Variants in DYNC2H1 observed in about 807,000 individuals in gnomAD.
DYNC2H1 encodes the protein dynein cytoplasmic 2 heavy chain 1.
A neutral mutation model predicts 570.0 loss-of-function variants in DYNC2H1; 410 were observed. That is an observed-to-expected ratio of 0.72 (90% CI 0.66 to 0.78). The LOEUF is 0.78. Among genes scored for constraint, DYNC2H1 ranks in the 30% least tolerant of loss-of-function variants. The pLI is 0.00. For synonymous variants in DYNC2H1, 1,688 were observed against 1,677.6 expected, an observed-to-expected ratio of 1.01 and a Z score of -0.15; for missense variants, 4,865 against 5,046.4, an observed-to-expected ratio of 0.96 and a Z score of 1.09.
intron 12 of DYNC2H1, 56 bp downstream of exon 12, chr11:103,125,351 A>T: frequency 8.7e-7 from 1 of 1,147,052 alleles, no homozygotes; most frequent in Non-Finnish European, 1.2e-6. Flanking sequence ...ACGTTAAACT[A>T]GAATATGCTA....
chr11:103,134,574 A>G (rs540720470), intron 15 of DYNC2H1, among the ~76,000 whole-genome samples, 155 bp downstream of exon 15: 3 of 152,280 alleles, frequency 2.0e-5, no homozygotes, highest in African/African-American at 7.2e-5. Context: ...AATTATATAT[A>G]AAGACCACAT....
chr11:103,194,907 G>A (rs542438431), intron 47 of DYNC2H1, among the ~76,000 whole-genome samples: 3 of 152,026 alleles, frequency 2.0e-5, no homozygotes, highest in South Asian at 2.1e-4. Context: ...TAGTAGAGAC[G>A]CGGTTTCATC....
At chr11:103,460,495 T>C (rs1591792474) in intron 87 of DYNC2H1, among the ~76,000 whole-genome samples, 1 of 106,752 alleles carries the variant, frequency 9.4e-6, no homozygotes, top group Admixed American at 1.2e-4. Context: ...GGGTGGGGGG[T>C]GGGCTGCACT....
chr11:103,227,930 T>C (rs1400566833), intron 59 of DYNC2H1, among the ~76,000 whole-genome samples: 1 of 152,230 alleles, frequency 6.6e-6, no homozygotes, highest in African/African-American at 2.4e-5. Context: ...TTTATCGTTA[T>C]ATAATGTCCC....
At position 103,282,190 on chromosome 11, in the gene DYNC2H1, G is replaced by A. The variant is rs12574626; in HGVS notation, c.10773G>A (p.Thr3591=). The A allele has an allele frequency of 0.13, 209,898 of 1,604,192 alleles. 16,323 individuals carry two copies. The highest frequency in any genetic ancestry group is 0.36 in the African/African-American group (26,974 of 74,208). ...PELFQENEWD[T]FTGVVVGDML... Reference sequence around the variant, plus strand: ...TTTTTATTCAATAGGAATGGGATACGTTTACAGGTGTGGTTGTTGGAGACA... The same window carrying A: ...TTTTTATTCAATAGGAATGGGATACATTTACAGGTGTGGTTGTTGGAGACA... Residue 3591 remains threonine (T), a synonymous_variant, in exon 72 of 89, where the codon ACG becomes ACA. Coordinates refer to ENST00000375735, the MANE Select transcript of DYNC2H1 (RefSeq NM_001377.3).
intron 85 of DYNC2H1, among the ~76,000 whole-genome samples, chr11:103,445,035 G>A (rs1183945288): frequency 6.6e-6 from 1 of 152,172 alleles, no homozygotes; most frequent in Non-Finnish European, 1.5e-5. Context: ...GACCAGTTAA[G>A]AGGTTATTGC....
In DYNC2H1 at chr11:103,231,252, T is replaced by G. The variant is rs1863996819; in HGVS notation, c.9354-8T>G. 6.4e-7 allele frequency: 1 copy of G among 1,563,748 alleles called. No individual in the cohort carries two copies. Among genetic ancestry groups the G allele is most frequent in the African/African-American group, 1.4e-5 (1 of 73,350 alleles). On this transcript the variant is annotated splice_region_variant and splice_polypyrimidine_tract_variant and intron_variant, in intron 59 of 88. Coordinates refer to ENST00000375735, the MANE Select transcript of DYNC2H1 (RefSeq NM_001377.3). ...GAATGACTTGTATAATATTGAGTTA[T>G]ATTTTAGGAATCTGAAGAAAACTGA...
rs546787436 is a variant in DYNC2H1 at position 103,150,972 on chromosome 11, G to A, written c.2947-1164G>A. On this transcript the variant is annotated intron_variant, in intron 20 of 88. Transcript: ENST00000375735. ...GACCTTAGAATCTCATATTCTGTGGGCACTGGGGAGCTGTTGCTGGATTTT... is the reference window on the plus strand; with the variant it reads ...GACCTTAGAATCTCATATTCTGTGGACACTGGGGAGCTGTTGCTGGATTTT... Among the ~76,000 whole-genome samples the A allele has an allele frequency of 9.2e-5, 14 of 152,156 alleles. No individual in the cohort carries two copies. The South Asian group carries it at 2.7e-3, about 29-fold the overall frequency.
intron 70 of DYNC2H1, among the ~76,000 whole-genome samples, chr11:103,260,278 C>T (rs1565440513): frequency 2.0e-5 from 3 of 152,194 alleles, no homozygotes; most frequent in Non-Finnish European, 4.4e-5. Context: ...GCTAGACTTT[C>T]TCATCCTCAG....
Position 103,244,009 on chromosome 11 carries a change from A to G in DYNC2H1, c.9918+218A>G, listed in dbSNP as rs567719385. On this transcript the variant is annotated intron_variant, in intron 64 of 88. Coordinates refer to ENST00000375735, the MANE Select transcript of DYNC2H1 (RefSeq NM_001377.3). The surrounding 1 kb of genome is among the most constrained non-coding windows in gnomAD (Gnocchi z 4.3). ...TATTGATCTAAGCCCTGGGAATTTA[A>G]TAGTGAGTTCCTTCCCTTATAAAGA... 4.6e-4 allele frequency among the ~76,000 whole-genome samples: 70 copies of G among 152,242 alleles called. No individual in the cohort carries two copies. Among genetic ancestry groups the G allele is most frequent in the Non-Finnish European group, 9.3e-4 (63 of 67,956 alleles).
intron 84 of DYNC2H1, among the ~76,000 whole-genome samples, chr11:103,416,976 A>G (rs1591718555): frequency 6.6e-6 from 1 of 152,368 alleles, no homozygotes; most frequent in Middle Eastern, 3.4e-3. Flanking sequence ...GGATATGAAC[A>G]GACACTTCTC....
intron 84 of DYNC2H1, among the ~76,000 whole-genome samples, chr11:103,412,349 CA>C (rs1943122329): frequency 6.6e-6 from 1 of 152,012 alleles, no homozygotes; most frequent in Non-Finnish European, 1.5e-5. Flanking sequence ...TTTTTAAATA[CA>C]CAATATTTAT....
intron 82 of DYNC2H1, among the ~76,000 whole-genome samples, chr11:103,327,896 T>G (rs999739626): frequency 6.6e-6 from 1 of 152,140 alleles, no homozygotes; most frequent in Non-Finnish European, 1.5e-5. Flanking sequence ...CCAGGCTAAG[T>G]GGAGTCCCAA....
chr11:103,202,798 CTT>C lies in DYNC2H1; in HGVS notation c.8198-864_8198-863del, dbSNP rs1166659385. ...CTTAACAAATATTTATTAAATGCCT[CTT>C]ATATGCAGGACCAAGTTTTAAATAC... On this transcript the variant is annotated intron_variant, in intron 50 of 88. Transcript: ENST00000375735. 2.0e-5 allele frequency among the ~76,000 whole-genome samples: 3 copies of C among 152,102 alleles called. No homozygotes were observed. In the East Asian group the frequency reaches 5.8e-4, roughly 29 times the overall value.
In DYNC2H1 at chr11:103,171,217, G is replaced by A. The variant is rs1272682105; in HGVS notation, c.5334+149G>A. On this transcript the variant is annotated intron_variant, in intron 34 of 88. Coordinates refer to ENST00000375735, the MANE Select transcript of DYNC2H1 (RefSeq NM_001377.3). ...TGTAAGATTTTTTTAGCTATAAAACGTTTCTGAGGTTTCTTACCCTTTTTT... is the reference window on the plus strand; with the variant it reads ...TGTAAGATTTTTTTAGCTATAAAACATTTCTGAGGTTTCTTACCCTTTTTT... The A allele has an allele frequency of 4.4e-5, 30 of 688,414 alleles. No individual in the cohort carries two copies. In the East Asian group the frequency reaches 4.6e-4, roughly 11 times the overall value. 42.6% of individuals were successfully genotyped at this position (688,414 alleles called of 1,614,324 possible).
chr11:103,478,351 G>A (rs1488047259), intron 88 of DYNC2H1, among the ~76,000 whole-genome samples: 4 of 152,152 alleles, frequency 2.6e-5, no homozygotes, highest in African/African-American at 7.2e-5. Context: ...TTGGAATAAG[G>A]AATGATAGAT....
chr11:103,440,949 C>T (rs1031233603), intron 85 of DYNC2H1, among the ~76,000 whole-genome samples: 3 of 152,102 alleles, frequency 2.0e-5, no homozygotes, highest in Non-Finnish European at 4.4e-5. Context: ...CCCTTGTTCC[C>T]ATTCTTATTG....
At chr11:103,371,927 G>GTTTTTTTTTTTTTTT (rs60335910) in intron 83 of DYNC2H1, among the ~76,000 whole-genome samples, 4 of 67,896 alleles carry the variant, frequency 5.9e-5, no homozygotes, top group Non-Finnish European at 9.8e-5. Context: ...TCCCATTTGG[G>GTTTTTTTTTTTTTTT]TTTTTTTTTT....
chr11:103,112,326 GTATACCATTTAAA>G lies in DYNC2H1; in HGVS notation c.196-1209_196-1197del, dbSNP rs1858153321. Among the ~76,000 whole-genome samples the G allele has an allele frequency of 2.6e-5, 4 of 152,180 alleles. No individual in the cohort carries two copies. In the South Asian group the frequency reaches 8.3e-4, roughly 32 times the overall value. On this transcript the variant is annotated intron_variant, in intron 1 of 88. Transcript: ENST00000375735. ...GCACAGGCTGATCATTTAGGACACT[GTATACCATTTAAA>G]TTGAAATAGGAAGTTATTGGTAATC...
Sources: allele counts gnomAD v4.1 joint callset (sites outside exome capture counted in the v4.1 genomes callset), GRCh38; gene constraint gnomAD v4.1.1; non-coding constraint Gnocchi (gnomAD v3.1); transcripts MANE v1.5; gene names NCBI Gene and HGNC (gene_info 2026-07-23, HGNC 2026-07-21).